Variants in LRRC3B observed in about 807,000 individuals in gnomAD.
The protein encoded by LRRC3B is leucine rich repeat containing 3B.
A neutral mutation model predicts 12.8 loss-of-function variants in LRRC3B; 2 were observed. The ratio of observed to expected loss-of-function variants is 0.16; its 90% CI spans 0.06 to 0.49. The LOEUF (loss-of-function observed/expected upper bound fraction) is 0.49. Among genes scored for constraint, LRRC3B ranks in the 20% least tolerant of loss-of-function variants. LRRC3B has a pLI of 0.96. For missense variants in LRRC3B, 189 were observed against 319.4 expected (o/e 0.59, Z 3.11); for synonymous variants, 132 against 122.0 (o/e 1.08, Z -0.54).
At chr3:26,662,710 G>T (rs1373255397) in intron 1 of LRRC3B, among the ~76,000 whole-genome samples, 5 of 152,002 alleles carry the variant, frequency 3.3e-5, no homozygotes, top group Non-Finnish European at 7.4e-5. Context: ...TTGGTGGTAG[G>T]AATGTCTCTT....
chr3:26,709,377 C>T (rs1276719841), intron 1 of LRRC3B, 136 bp from the exon 2 acceptor site: 1 of 400,328 alleles, frequency 2.5e-6, no homozygotes, highest in Non-Finnish European at 4.5e-6. Context: ...AGATAACTCC[C>T]AGTGGCATTG....
At chr3:26,690,616 G>A (rs2125448800) in intron 1 of LRRC3B, among the ~76,000 whole-genome samples, 1 of 152,148 alleles carries the variant, frequency 6.6e-6, no homozygotes, top group East Asian at 1.9e-4. Context: ...ATTCTCTGTG[G>A]AACTTCGACT....
chr3:26,691,105 G>GTGTGTGTATATATATATATA (rs372629683), intron 1 of LRRC3B, among the ~76,000 whole-genome samples: 6 of 84,832 alleles, frequency 7.1e-5, no homozygotes, highest in Non-Finnish European at 8.8e-5. Context: ...GTGTGTGTGT[G>GTGTGTGTATATATATATATA]TATATATATA....
chr3:26,648,652 C>G (rs2125413391), intron 1 of LRRC3B, among the ~76,000 whole-genome samples: 1 of 152,278 alleles, frequency 6.6e-6, no homozygotes, highest in African/African-American at 2.4e-5. Context: ...CATATGGGCT[C>G]TCTTTGTTTG....
intron 1 of LRRC3B, among the ~76,000 whole-genome samples, chr3:26,691,089 A>ATGTG (rs1247919351): frequency 1.4e-5 from 1 of 72,916 alleles, no homozygotes; most frequent in Non-Finnish European, 2.3e-5. Flanking sequence ...GTGTGTGTGT[A>ATGTG]TATGTGTGTG....
intron 1 of LRRC3B, among the ~76,000 whole-genome samples, chr3:26,688,658 A>G (rs1198915469): frequency 6.6e-6 from 1 of 152,152 alleles, no homozygotes; most frequent in Non-Finnish European, 1.5e-5. Context: ...ATGAGAACTC[A>G]TCATCATGAG....
intron 1 of LRRC3B, among the ~76,000 whole-genome samples, chr3:26,636,946 CTT>C (rs1394388816): frequency 8.5e-6 from 1 of 117,338 alleles, no homozygotes; most frequent in Admixed American, 9.4e-5. Flanking sequence ...TTCTTTCTTT[CTT>C]TCTTTCTTTC....
At chr3:26,660,767 G>T (rs1403105589) in intron 1 of LRRC3B, among the ~76,000 whole-genome samples, 1 of 152,086 alleles carries the variant, frequency 6.6e-6, no homozygotes, top group Non-Finnish European at 1.5e-5. Context: ...TAGACCTTGA[G>T]GTCAGAGAGC....
chr3:26,700,777 A>C (rs1422332909), intron 1 of LRRC3B, among the ~76,000 whole-genome samples: 2 of 152,160 alleles, frequency 1.3e-5, no homozygotes, highest in South Asian at 4.1e-4. Flanking sequence ...CATGCTCTGG[A>C]AACCAAAGGA....
intron 1 of LRRC3B, chr3:26,694,422 T>C (rs1037773303): frequency 2.8e-4 from 42 of 152,126 alleles, no homozygotes; most frequent in African/African-American, 9.7e-4. Flanking sequence ...GACTTCATAA[T>C]ATTCATTTGT....
intron 1 of LRRC3B, among the ~76,000 whole-genome samples, chr3:26,669,734 A>C (rs1699681006): frequency 6.6e-6 from 1 of 152,238 alleles, no homozygotes; most frequent in African/African-American, 2.4e-5. Context: ...GTTGAATCTT[A>C]CTTAATGTCA....
chr3:26,639,828 C>T (rs561495057), intron 1 of LRRC3B, among the ~76,000 whole-genome samples: 38 of 152,228 alleles, frequency 2.5e-4, no homozygotes, highest in African/African-American at 8.2e-4. Flanking sequence ...ATCTCCCCAC[C>T]TTCTCTTTAG....
intron 1 of LRRC3B, chr3:26,694,607 G>C (rs1700264003): frequency 6.6e-6 from 1 of 152,178 alleles, no homozygotes; most frequent in Non-Finnish European, 1.5e-5. Flanking sequence ...AGTTCTAGTT[G>C]AGGAAACTGA....
rs146001430 is a variant in LRRC3B, at chr3:26,694,739, A to G, written c.-160-14774A>G. On this transcript the variant is annotated intron_variant, in intron 1 of 1. Transcript: ENST00000396641. ...TTCTGTACATTTTGTTGAGACCAAG[A>G]AAGTTTAAACGGTCCAGGGTGGCTC... 6.5e-4 allele frequency: 99 copies of G among 152,332 alleles called. 1 individual carries two copies. Among genetic ancestry groups the G allele is most frequent in the African/African-American group, 2.3e-3 (96 of 41,568 alleles). 9.4% of individuals were successfully genotyped at this position (152,332 alleles called of 1,614,324 possible).
At chr3:26,699,213 G>A (rs1169874165) in intron 1 of LRRC3B, among the ~76,000 whole-genome samples, 1 of 152,010 alleles carries the variant, frequency 6.6e-6, no homozygotes, top group Non-Finnish European at 1.5e-5. Flanking sequence ...TTCCTAATTA[G>A]TTATACTTAA....
intron 1 of LRRC3B, among the ~76,000 whole-genome samples, chr3:26,642,394 G>C (rs1055055232): frequency 3.3e-5 from 5 of 152,304 alleles, no homozygotes; most frequent in Admixed American, 2.6e-4. Flanking sequence ...TAGCTTAGGG[G>C]AGAAAGATGA....
intron 1 of LRRC3B, among the ~76,000 whole-genome samples, chr3:26,686,638 CAG>C (rs1333685162): frequency 6.6e-6 from 1 of 152,054 alleles, no homozygotes; most frequent in Non-Finnish European, 1.5e-5. Flanking sequence ...TAAAAAAAGC[CAG>C]AGTGTGCAAA....
At chr3:26,707,746 CCT>C (rs879268988) in intron 1 of LRRC3B, among the ~76,000 whole-genome samples, 1 of 145,820 alleles carries the variant, frequency 6.9e-6, no homozygotes, top group Non-Finnish European at 1.5e-5. Context: ...TCCTTCTACT[CCT>C]CTGTCTCCTC....
chr3:26,692,767 C>A (rs1700217573), intron 1 of LRRC3B, among the ~76,000 whole-genome samples: 1 of 152,154 alleles, frequency 6.6e-6, no homozygotes, highest in African/African-American at 2.4e-5. Flanking sequence ...CGCTACATAA[C>A]AAGTATTTAC....
Sources: gnomAD v4.1 joint callset for allele counts (sites outside exome capture counted in the v4.1 genomes callset) on GRCh38, gnomAD v4.1.1 for gene constraint, MANE v1.5 for transcripts, NCBI Gene and HGNC (gene_info 2026-07-23, HGNC 2026-07-21) for gene names.